The following TNFRSF13B variants were observed in gnomAD, a reference collection of about 807,000 sequenced individuals.
TNFRSF13B encodes TNF receptor superfamily member 13B.
Under a neutral mutation model 24.0 loss-of-function variants are expected in TNFRSF13B, and 34 were observed. The ratio of observed to expected loss-of-function variants is 1.41; its 90% CI spans 1.08 to 1.88. The LOEUF is 1.88. Among genes scored for constraint, TNFRSF13B ranks in the 40% most tolerant of loss-of-function variants. TNFRSF13B has a pLI of 0.00. For synonymous variants in TNFRSF13B, 173 were observed against 150.3 expected (o/e 1.15, Z -1.10); for missense variants, 415 against 380.8 (o/e 1.09, Z -0.75).
intron 1 of TNFRSF13B, among the ~76,000 whole-genome samples, chr17:16,968,736 GCAAA>G (rs2087722908): frequency 6.6e-6 from 1 of 152,170 alleles, no homozygotes; most frequent in South Asian, 2.1e-4. Flanking sequence ...GTGTTCCAAA[GCAAA>G]TCATGAAGAA....
chr17:16,939,992 C>T, intron 4 of TNFRSF13B, 195 bp from the exon 5 acceptor site: 1 of 989,696 alleles, frequency 1.0e-6, no homozygotes, highest in South Asian at 1.8e-5. Context: ...GCAGGCAATT[C>T]TTGGCTCTCA....
chr17:16,956,271 A>C (rs1261094761), intron 1 of TNFRSF13B, among the ~76,000 whole-genome samples: 2 of 152,258 alleles, frequency 1.3e-5, no homozygotes, highest in African/African-American at 4.8e-5. Context: ...TTAACAGGCA[A>C]GTTTCAGCAA....
chr17:16,943,408 G>A (rs953928637), intron 3 of TNFRSF13B, among the ~76,000 whole-genome samples: 2 of 152,184 alleles, frequency 1.3e-5, no homozygotes, highest in African/African-American at 4.8e-5. Flanking sequence ...AGGACACAGA[G>A]GCTGAGCAGT....
chr17:16,939,761 G>A lies in TNFRSF13B; in HGVS notation c.668C>T (p.Ser223Phe), dbSNP rs1390727362. ...AMEAGSPVST[S>F]PEPVETCSFC... ...GCTGCAGGTCTCCACTGGCTCGGGG[G>A]ATGTGCTCACAGGGCTGCCGGCTTC... Residue 223 changes from serine to phenylalanine, a missense_variant, in exon 5 of 5, where the codon TCC (serine) becomes TTC (phenylalanine). Coordinates refer to ENST00000261652, the MANE Select transcript of TNFRSF13B (RefSeq NM_012452.3). 5 of 1,611,452 alleles carry A rather than the reference G, an allele frequency of 3.1e-6. No homozygotes were observed. The highest frequency in any genetic ancestry group is 3.4e-6 in the Non-Finnish European group (4 of 1,178,866).
chr17:16,951,624 C>T (rs950812229), intron 2 of TNFRSF13B, among the ~76,000 whole-genome samples: 1 of 152,200 alleles, frequency 6.6e-6, no homozygotes, highest in Admixed American at 6.5e-5. Flanking sequence ...TGCAGTGGCT[C>T]ACGCCTGTAA....
At chr17:16,964,339 T>C (rs2087684573) in intron 1 of TNFRSF13B, among the ~76,000 whole-genome samples, 1 of 30,996 alleles carries the variant, frequency 3.2e-5, no homozygotes, top group Non-Finnish European at 9.1e-5. Context: ...CTCCATGCCT[T>C]TTTTTTTTTT....
intron 1 of TNFRSF13B, among the ~76,000 whole-genome samples, chr17:16,958,623 G>C (rs922060406): frequency 3.9e-5 from 6 of 151,942 alleles, no homozygotes; most frequent in Admixed American, 6.6e-5. Context: ...GAATGGAAAA[G>C]GTATTTTATG....
intron 1 of TNFRSF13B, among the ~76,000 whole-genome samples, chr17:16,969,086 A>G (rs1157328767): frequency 1.3e-5 from 2 of 152,372 alleles, no homozygotes; most frequent in East Asian, 3.8e-4. Context: ...TGGAACCCTC[A>G]TGCATGAAGT....
intron 1 of TNFRSF13B, among the ~76,000 whole-genome samples, chr17:16,958,984 C>T (rs181224196): frequency 2.0e-5 from 3 of 152,142 alleles, no homozygotes; most frequent in East Asian, 1.9e-4. Flanking sequence ...ATATAGACAA[C>T]GCTCAATGCA....
At chr17:16,946,924 T>C (rs1304781888) in intron 3 of TNFRSF13B, among the ~76,000 whole-genome samples, 1 of 152,188 alleles carries the variant, frequency 6.6e-6, no homozygotes, top group South Asian at 2.1e-4. Flanking sequence ...CTGGCAGTTG[T>C]TAATGAACTA....
At chr17:16,961,416 G>T (rs907968311) in intron 1 of TNFRSF13B, among the ~76,000 whole-genome samples, 1 of 152,228 alleles carries the variant, frequency 6.6e-6, no homozygotes, top group Admixed American at 6.5e-5. Context: ...TTATTAAAAT[G>T]AATGGAATAC....
At chr17:16,963,528 G>GTTTTGTGT (rs1555550150) in intron 1 of TNFRSF13B, among the ~76,000 whole-genome samples, 1 of 150,880 alleles carries the variant, frequency 6.6e-6, no homozygotes, top group Non-Finnish European at 1.5e-5. Flanking sequence ...TTCTTATCAA[G>GTTTTGTGT]TTTTGTTTTT....
intron 1 of TNFRSF13B, among the ~76,000 whole-genome samples, chr17:16,968,156 AG>A (rs58149970): frequency 0.22 from 6,513 of 29,374 alleles, 417 homozygotes; most frequent in East Asian, 0.5. Context: ...AAAAAAAAAA[AG>A]AAAAAAGAAA....
chr17:16,950,549 T>TCTGGCCCTGCC (rs926365352), intron 2 of TNFRSF13B, among the ~76,000 whole-genome samples: 1 of 152,212 alleles, frequency 6.6e-6, no homozygotes, highest in African/African-American at 2.4e-5. Context: ...CCTCCCCTGC[T>TCTGGCCCTGCC]CTGGCCCTGC....
At chr17:16,945,742 T>C (rs964405433) in intron 3 of TNFRSF13B, among the ~76,000 whole-genome samples, 2 of 152,150 alleles carry the variant, frequency 1.3e-5, no homozygotes, top group African/African-American at 4.8e-5. Context: ...CTTCTTCCCC[T>C]CAGGAGAGGC....
Position 16,970,309 on chromosome 17 carries a change from C to T in TNFRSF13B, c.61+1706G>A, listed in dbSNP as rs148560073. Among the ~76,000 whole-genome samples the T allele has an allele frequency of 2.6e-3, 399 of 152,114 alleles. 1 individual carries two copies. Among genetic ancestry groups the T allele is most frequent in the African/African-American group, 9.3e-3 (384 of 41,414 alleles). The stretch of plus-strand genomic sequence containing the variant: ...TGTGGGCTGGGCTCAGACTCTGGGC[C>T]GCCACAAATTTGGATGCAGGATGGA... On this transcript the variant is annotated intron_variant, in intron 1 of 4. Transcript: ENST00000261652.
intron 3 of TNFRSF13B, among the ~76,000 whole-genome samples, chr17:16,948,441 G>A (rs952830967): frequency 4.6e-5 from 7 of 152,248 alleles, no homozygotes; most frequent in African/African-American, 1.7e-4. Context: ...TCACACAGGT[G>A]GGTCTGCTGC....
intron 1 of TNFRSF13B, among the ~76,000 whole-genome samples, chr17:16,966,282 CAAAA>C (rs1168411044): frequency 2.0e-5 from 3 of 148,990 alleles, no homozygotes; most frequent in African/African-American, 7.4e-5. Flanking sequence ...AAAACAAAAA[CAAAA>C]AACGACAACA....
chr17:16,952,078 T>A (rs1240652347), intron 2 of TNFRSF13B, among the ~76,000 whole-genome samples: 1 of 152,074 alleles, frequency 6.6e-6, no homozygotes, highest in Non-Finnish European at 1.5e-5. Flanking sequence ...TTCAAAAGAA[T>A]GTAACAACAC....
Sources: gnomAD v4.1 joint callset for allele counts (sites outside exome capture counted in the v4.1 genomes callset) on GRCh38, gnomAD v4.1.1 for gene constraint, MANE v1.5 for transcripts, NCBI Gene and HGNC (gene_info 2026-07-23, HGNC 2026-07-21) for gene names.